Variants in ALKBH4 observed in about 807,000 individuals in gnomAD.
ALKBH4 encodes alkB homolog 4, lysine demethylase.
A neutral mutation model predicts 12.1 loss-of-function variants in ALKBH4; 8 were observed. That is an observed-to-expected ratio of 0.66 (90% CI 0.39 to 1.19). The LOEUF is 1.19. Among genes scored for constraint, ALKBH4 ranks in the 50% most tolerant of loss-of-function variants. The probability of loss-of-function intolerance (pLI) is 0.01; values close to 1 mark genes in which losing one functional copy is unlikely to be tolerated. For missense variants in ALKBH4, 403 were observed against 430.4 expected, an observed-to-expected ratio of 0.94 and a Z score of 0.56; for synonymous variants, 195 against 191.6, an observed-to-expected ratio of 1.02 and a Z score of -0.15.
In ALKBH4 at chr7:102,457,460, C is replaced by G. The variant is rs1262719119; in HGVS notation, c.843G>C (p.Gly281=). The change falls in exon 3 of 3, where the codon GGG becomes GGC. Residue 281 remains glycine (G), a synonymous_variant. Transcript: ENST00000292566. The surrounding 1 kb of genome is among the most constrained non-coding windows in gnomAD (Gnocchi z 5.9). The part of the protein sequence containing the change: ...RELSAEFGPG[G]RQQELGQELL... The stretch of plus-strand genomic sequence containing the variant: ...GTTCCTGGCCCAGCTCTTGCTGCCT[C>G]CCTCCAGGGCCAAACTCAGCCGACA... 1.9e-6 allele frequency: 3 copies of G among 1,613,386 alleles called. No individual in the cohort carries two copies. The highest frequency in any genetic ancestry group is 1.1e-5 in the South Asian group (1 of 91,078).
At position 102,457,501 on chromosome 7, in the gene ALKBH4, C is replaced by T. The variant is rs766639597; in HGVS notation, c.802G>A (p.Val268Ile). The change falls in exon 3 of 3, where the codon GTC (valine) becomes ATC (isoleucine). Residue 268 changes from valine (V) to isoleucine (I), a missense_variant. Coordinates refer to ENST00000292566, the MANE Select transcript of ALKBH4 (RefSeq NM_017621.4). The surrounding 1 kb of genome is among the most constrained non-coding windows in gnomAD (Gnocchi z 5.9). The stretch of plus-strand genomic sequence containing the variant: ...TCAGCCGACAGCTCCCGGAAAGTGA[C>T]GCAGACGCGGCGGGCCTCGATGTGT... ...RRHIEARRVC[V>I]TFRELSAEFG... 30 of 1,613,332 alleles carry T rather than the reference C, an allele frequency of 1.9e-5. No individual in the cohort carries two copies. Among genetic ancestry groups the T allele is most frequent in the Non-Finnish European group, 2.2e-5 (26 of 1,180,026 alleles).
At chr7:102,463,733 T>C (rs1797859222) in intron 1 of ALKBH4, among the ~76,000 whole-genome samples, 1 of 152,186 alleles carries the variant, frequency 6.6e-6, no homozygotes, top group Non-Finnish European at 1.5e-5. Flanking sequence ...AGACCCTGCT[T>C]TTAGTTCCTT....
Position 102,457,150 on chromosome 7 carries a change from A to T in ALKBH4, c.*244T>A. On this transcript the variant is annotated 3_prime_UTR_variant, in exon 3 of 3. Coordinates refer to ENST00000292566, the MANE Select transcript of ALKBH4 (RefSeq NM_017621.4). This position sits in a 1 kb window ranked among gnomAD's most constrained non-coding sequence, Gnocchi z 5.9. ...GGCCCCCAGTATTTTTTAAGCTCAA[A>T]TGATCCCATGTCCCCAAGACTGTGA... The T allele has an allele frequency of 2.1e-6, 1 of 470,600 alleles. No individual in the cohort carries two copies. Among genetic ancestry groups the T allele is most frequent in the East Asian group, 3.4e-5 (1 of 29,122 alleles). 29.2% of individuals were successfully genotyped at this position (470,600 alleles called of 1,614,324 possible).
At chr7:102,460,532 G>T (rs1410010328) in intron 1 of ALKBH4, among the ~76,000 whole-genome samples, 4 of 152,158 alleles carry the variant, frequency 2.6e-5, no homozygotes, top group Admixed American at 2.6e-4. Context: ...GAGCTAACAC[G>T]AATTTGATTG....
At chr7:102,461,517 T>G (rs62483804) in intron 1 of ALKBH4, among the ~76,000 whole-genome samples, 1 of 151,428 alleles carries the variant, frequency 6.6e-6, no homozygotes, top group Non-Finnish European at 1.5e-5. Flanking sequence ...CGCGCCACCA[T>G]GCCCAGCTAA....
chr7:102,459,224 TGGAG>T (rs1254862605), intron 2 of ALKBH4, among the ~76,000 whole-genome samples: 2 of 142,308 alleles, frequency 1.4e-5, no homozygotes, highest in African/African-American at 2.7e-5. Flanking sequence ...GGGAAGGAGT[TGGAG>T]GGAGCGGCGG....
At chr7:102,458,924 G>A (rs1192342985) in intron 2 of ALKBH4, among the ~76,000 whole-genome samples, 1 of 151,910 alleles carries the variant, frequency 6.6e-6, no homozygotes, top group Non-Finnish European at 1.5e-5. Context: ...TGAGGCGGGC[G>A]GATCACTTGT....
At position 102,457,363 on chromosome 7, in the gene ALKBH4, G is replaced by C; in HGVS notation, c.*31C>G. On this transcript the variant is annotated 3_prime_UTR_variant, in exon 3 of 3. Coordinates refer to ENST00000292566, the MANE Select transcript of ALKBH4 (RefSeq NM_017621.4). The surrounding 1 kb of genome is among the most constrained non-coding windows in gnomAD (Gnocchi z 5.9). The stretch of plus-strand genomic sequence containing the variant: ...TCTGTGCTCCTCATTTCAATCCCGG[G>C]ATCAGTCAAGTCTGGAGCCAAGGAG... The C allele has an allele frequency of 1.3e-6, 2 of 1,581,548 alleles. No individual in the cohort carries two copies. The highest frequency in any genetic ancestry group is 2.3e-5 in the South Asian group (2 of 87,518).
chr7:102,457,688 C>T lies in ALKBH4; in HGVS notation c.615G>A (p.Ser205=), dbSNP rs779281573. Residue 205 remains serine (S), a synonymous_variant, in exon 3 of 3, where the codon TCG becomes TCA. Transcript: ENST00000292566. The surrounding 1 kb of genome is among the most constrained non-coding windows in gnomAD (Gnocchi z 5.9). ...REAPGSLLLC[S]APSAAPEALV... is the part of the protein sequence containing the mutation. ...AGGCCTCCGGGGCAGCCGACGGGGCCGAGCAGAGGAGCAGGCTCCCGGGCG... is the reference window on the plus strand; with the variant it reads ...AGGCCTCCGGGGCAGCCGACGGGGCTGAGCAGAGGAGCAGGCTCCCGGGCG... The T allele has an allele frequency of 1.2e-5, 18 of 1,556,252 alleles. No homozygotes were observed. The highest frequency in any genetic ancestry group is 3.4e-5 in the South Asian group (3 of 87,122).
At chr7:102,460,477 A>G (rs1205354339) in intron 1 of ALKBH4, among the ~76,000 whole-genome samples, 1 of 152,208 alleles carries the variant, frequency 6.6e-6, no homozygotes, top group East Asian at 1.9e-4. Flanking sequence ...AGGTGCAGGC[A>G]GAGCCTCTGC....
At chr7:102,458,748 A>AC (rs997285323) in intron 2 of ALKBH4, among the ~76,000 whole-genome samples, 1 of 151,708 alleles carries the variant, frequency 6.6e-6, no homozygotes, top group Non-Finnish European at 1.5e-5. Context: ...AAAAAAAAAA[A>AC]AAAACCTGTA....
rs778900603 is a variant in ALKBH4 at position 102,464,824 on chromosome 7, C to T, written c.13G>A (p.Ala5Thr). 8 of 1,525,292 alleles carry T rather than the reference C, an allele frequency of 5.2e-6. No individual in the cohort carries two copies. Among genetic ancestry groups the T allele is most frequent in the Non-Finnish European group, 7.0e-6 (8 of 1,141,618 alleles). The allele number at this position is 1,525,292 out of a possible 1,614,324, so 94.5% of individuals were successfully genotyped here. Residue 5 changes from alanine to threonine, a missense_variant, in exon 1 of 3, where the codon GCC becomes ACC. Physicochemically the swap from Ala to Thr is moderately conservative, Grantham distance 58. Coordinates refer to ENST00000292566, the MANE Select transcript of ALKBH4 (RefSeq NM_017621.4). MAAA[A>T]AETPEVLREC... ...CGAAGGACTTCGGGGGTCTCGGCGG[C>T]AGCCGCCGCCATCGCGCCGTCCGCG... is the stretch of plus-strand genomic sequence containing the variant.
intron 1 of ALKBH4, among the ~76,000 whole-genome samples, chr7:102,462,151 A>C (rs528234284): frequency 1.3e-5 from 2 of 152,268 alleles, no homozygotes; most frequent in East Asian, 3.9e-4. Flanking sequence ...GCGCTCTTGA[A>C]GGGTTTTAAA....
chr7:102,462,479 C>T (rs1230725647), intron 1 of ALKBH4, among the ~76,000 whole-genome samples: 2 of 152,076 alleles, frequency 1.3e-5, no homozygotes, highest in South Asian at 2.1e-4. Context: ...GCAATCCTCC[C>T]ACCTCAGCCT....
chr7:102,462,439 C>T (rs1416544281), intron 1 of ALKBH4, among the ~76,000 whole-genome samples: 1 of 152,098 alleles, frequency 6.6e-6, no homozygotes, highest in Non-Finnish European at 1.5e-5. Flanking sequence ...GCGCTCACAG[C>T]TCACTGCAGC....
At chr7:102,463,083 GGGTAGCTGGGACTACA>G (rs1797832993) in intron 1 of ALKBH4, among the ~76,000 whole-genome samples, 1 of 150,018 alleles carries the variant, frequency 6.7e-6, no homozygotes, top group Non-Finnish European at 1.5e-5. Context: ...TCAGCCTCCT[GGGTAGCTGGGACTACA>G]GGTACGTGTC....
At chr7:102,463,322 C>CTTTTTTTTTTTTTTTTTTT (rs71106683) in intron 1 of ALKBH4, among the ~76,000 whole-genome samples, 1 of 58,284 alleles carries the variant, frequency 1.7e-5, no homozygotes, top group African/African-American at 7.4e-5. Context: ...CAAGTCATCT[C>CTTTTTTTTTTTTTTTTTTT]TTTTTTTTTT....
At chr7:102,460,800 A>C (rs1797777529) in intron 1 of ALKBH4, among the ~76,000 whole-genome samples, 1 of 152,132 alleles carries the variant, frequency 6.6e-6, no homozygotes, top group Non-Finnish European at 1.5e-5. Context: ...GCCTATCACC[A>C]GCGTGAGGGT....
chr7:102,457,049 G>A lies in ALKBH4; in HGVS notation c.*345C>T, dbSNP rs770575886. The A allele has an allele frequency of 5.9e-5, 11 of 187,194 alleles. No homozygotes were observed. Among genetic ancestry groups the A allele is most frequent in the Middle Eastern group, 2.3e-3 (1 of 434 alleles). 11.6% of individuals were successfully genotyped at this position (187,194 alleles called of 1,614,324 possible). ...TCACCGTGTTGGCCAGGCTGGTCTC[G>A]AACTCCTGGCATCAAGTGATCCGCC... On this transcript the variant is annotated 3_prime_UTR_variant, in exon 3 of 3. Coordinates refer to ENST00000292566, the MANE Select transcript of ALKBH4 (RefSeq NM_017621.4). The surrounding 1 kb of genome is among the most constrained non-coding windows in gnomAD (Gnocchi z 5.9).
Sources: gnomAD v4.1 joint callset for allele counts (sites outside exome capture counted in the v4.1 genomes callset) on GRCh38, gnomAD v4.1.1 for gene constraint, Gnocchi (gnomAD v3.1) non-coding constraint, MANE v1.5 for transcripts, NCBI Gene and HGNC (gene_info 2026-07-23, HGNC 2026-07-21) for gene names.